Variants in CDC73 observed in about 807,000 individuals in gnomAD.
CDC73 encodes cell division cycle 73.
In CDC73, 21 loss-of-function variants were observed where a neutral mutation model predicts 83.7. The observed-to-expected ratio is 0.25, with a 90% CI of 0.18 to 0.36. The LOEUF (loss-of-function observed/expected upper bound fraction) is 0.36, where lower values mean the gene tolerates loss of function less well. CDC73 is among the 10% of genes least tolerant of loss of function. CDC73 has a pLI of 1.00. For synonymous variants in CDC73, 224 were observed against 212.9 expected (o/e 1.05, Z -0.45); for missense variants, 342 against 653.3 (o/e 0.52, Z 5.19).
At chr1:193,125,851 A>T (rs917041383) in intron 2 of CDC73, among the ~76,000 whole-genome samples, 5 of 151,952 alleles carry the variant, frequency 3.3e-5, no homozygotes, top group African/African-American at 1.2e-4. Context: ...AAAGGTTTGT[A>T]TGAGTGTCTC....
chr1:193,248,504 T>C (rs1321164008), intron 15 of CDC73, among the ~76,000 whole-genome samples: 2 of 152,090 alleles, frequency 1.3e-5, no homozygotes, highest in African/African-American at 2.4e-5. Flanking sequence ...AAATAAGTTT[T>C]GTAAGGCTTT....
chr1:193,235,313 C>T (rs919974931), intron 14 of CDC73, among the ~76,000 whole-genome samples: 1 of 152,104 alleles, frequency 6.6e-6, no homozygotes, highest in Non-Finnish European at 1.5e-5. Flanking sequence ...CATGCCCATG[C>T]ACTTGTTTCT....
intron 10 of CDC73, among the ~76,000 whole-genome samples, chr1:193,162,562 T>G (rs1372202916): frequency 6.6e-6 from 1 of 151,378 alleles, no homozygotes. Flanking sequence ...TTAGTAGAGA[T>G]TTCACCATGT....
intron 10 of CDC73, chr1:193,181,523 T>A: frequency 6.2e-7 from 1 of 1,608,558 alleles, no homozygotes; most frequent in Non-Finnish European, 8.5e-7. Context: ...TTCCAGGTCA[T>A]CTTTGCAAAG....
intron 13 of CDC73, among the ~76,000 whole-genome samples, chr1:193,220,512 C>G (rs1488390591): frequency 2.6e-5 from 4 of 152,120 alleles, no homozygotes; most frequent in Non-Finnish European, 5.9e-5. Context: ...TTAACTGATT[C>G]AAAGTGAGAA....
At chr1:193,139,605 T>G (rs754661169) in intron 6 of CDC73, among the ~76,000 whole-genome samples, 3 of 152,234 alleles carry the variant, frequency 2.0e-5, no homozygotes, top group Non-Finnish European at 4.4e-5. Context: ...CCTGCTTTAT[T>G]ACATATCATG....
chr1:193,208,090 A>G (rs186082784), intron 11 of CDC73, among the ~76,000 whole-genome samples: 1 of 152,204 alleles, frequency 6.6e-6, no homozygotes, highest in South Asian at 2.1e-4. Context: ...CTGCTTTTTC[A>G]TAGAGTGACA....
chr1:193,243,671 A>AT (rs553014320), intron 15 of CDC73, among the ~76,000 whole-genome samples: 2 of 152,062 alleles, frequency 1.3e-5, no homozygotes, highest in Admixed American at 1.3e-4. Flanking sequence ...TGAGTTTTAA[A>AT]TTTTTTTTAA....
At position 193,142,086 on chromosome 1, in the gene CDC73, C is replaced by T. The variant is rs750619160; in HGVS notation, c.729+20C>T. 12 of 1,564,254 alleles carry T rather than the reference C, an allele frequency of 7.7e-6. No individual in the cohort carries two copies. The highest frequency in any genetic ancestry group is 1.1e-5 in the Non-Finnish European group (12 of 1,135,484). ...GGAAAGGTAATTAAAATATTTTACT[C>T]ATTCATTGGAGTGAGAGAGAGAGAG... is the stretch of plus-strand genomic sequence containing the variant. On this transcript the variant is annotated intron_variant, in intron 7 of 16. Transcript: ENST00000367435.
At chr1:193,235,331 T>G (rs931398600) in intron 14 of CDC73, among the ~76,000 whole-genome samples, 1 of 152,188 alleles carries the variant, frequency 6.6e-6, no homozygotes, top group African/African-American at 2.4e-5. Flanking sequence ...TCTTCATTTA[T>G]ACAATGAGGT....
At chr1:193,201,870 A>G (rs1677097763) in intron 10 of CDC73, among the ~76,000 whole-genome samples, 1 of 152,028 alleles carries the variant, frequency 6.6e-6, no homozygotes, top group African/African-American at 2.4e-5. Flanking sequence ...CGGTTTGTGT[A>G]GTTATCTTTA....
intron 8 of CDC73, 117 bp from the exon 9 acceptor site, chr1:193,150,187 C>T (rs769715988): frequency 1.4e-6 from 1 of 728,398 alleles, no homozygotes; most frequent in Non-Finnish European, 2.4e-6. Context: ...GGGAGGATCA[C>T]TTGGGCCCAG....
intron 10 of CDC73, among the ~76,000 whole-genome samples, chr1:193,155,882 C>T (rs1279719932): frequency 1.3e-5 from 2 of 152,112 alleles, no homozygotes; most frequent in Admixed American, 1.3e-4. Context: ...CAGTCTTTCT[C>T]AAGCTTATTT....
chr1:193,223,633 T>C (rs1477515559), intron 13 of CDC73, among the ~76,000 whole-genome samples: 1 of 152,122 alleles, frequency 6.6e-6, no homozygotes, highest in Non-Finnish European at 1.5e-5. Flanking sequence ...GGAACTCTTA[T>C]TAGATTTTCT....
intron 13 of CDC73, among the ~76,000 whole-genome samples, chr1:193,217,494 T>A (rs181766054): frequency 6.6e-6 from 1 of 152,230 alleles, no homozygotes; most frequent in African/African-American, 2.4e-5. Context: ...GGCCAGACCC[T>A]GCGTCATTCT....
intron 13 of CDC73, among the ~76,000 whole-genome samples, chr1:193,229,642 G>C (rs1677624502): frequency 6.6e-6 from 1 of 152,154 alleles, no homozygotes; most frequent in Non-Finnish European, 1.5e-5. Flanking sequence ...TTCTCTTACT[G>C]TATCCTGAAC....
At chr1:193,132,483 T>C (rs891178989) in intron 3 of CDC73, among the ~76,000 whole-genome samples, 1 of 152,106 alleles carries the variant, frequency 6.6e-6, no homozygotes, top group African/African-American at 2.4e-5. Flanking sequence ...GAAGAAACTT[T>C]TTTTTTTCTT....
In CDC73 at chr1:193,250,950, C is replaced by A; in HGVS notation, c.*238C>A. On this transcript the variant is annotated 3_prime_UTR_variant, in exon 17 of 17. Transcript: ENST00000367435. ...TATATTTTGATAGAAGTTTTTTCTC[C>A]ATTGGTTAAATTAGCATTACTTAAA... 2.0e-6 allele frequency: 1 copy of A among 510,276 alleles called. No individual in the cohort carries two copies. The allele number at this position is 510,276 out of a possible 1,614,324, so 31.6% of individuals were successfully genotyped here.
chr1:193,142,699 G>C (rs1675927861), intron 7 of CDC73, among the ~76,000 whole-genome samples: 1 of 149,918 alleles, frequency 6.7e-6, no homozygotes, highest in Non-Finnish European at 1.5e-5. Flanking sequence ...TCCCTATTAT[G>C]AATAATGCAT....
Sources: allele counts gnomAD v4.1 joint callset (sites outside exome capture counted in the v4.1 genomes callset), GRCh38; gene constraint gnomAD v4.1.1; transcripts MANE v1.5; gene names NCBI Gene and HGNC (gene_info 2026-07-23, HGNC 2026-07-21).